ROBO2: variants seen among roughly 807,000 people sequenced by gnomAD.
ROBO2 encodes roundabout guidance receptor 2, also known as roundabout homolog 2.
A neutral mutation model predicts 160.8 loss-of-function variants in ROBO2; 53 were observed. The ratio of observed to expected loss-of-function variants is 0.33; its 90% CI spans 0.26 to 0.41. ROBO2 has a LOEUF of 0.41. Among genes scored for constraint, ROBO2 ranks in the 10% least tolerant of loss-of-function variants. The pLI is 1.00. For synonymous variants in ROBO2, 664 were observed against 611.7 expected, an observed-to-expected ratio of 1.09 and a Z score of -1.26; for missense variants, 1,577 against 1,722.4, an observed-to-expected ratio of 0.92 and a Z score of 1.49.
At chr3:76,389,100 T>C (rs1302264905) in intron 2 of ROBO2, among the ~76,000 whole-genome samples, 1 of 152,232 alleles carries the variant, frequency 6.6e-6, no homozygotes, top group African/African-American at 2.4e-5. Flanking sequence ...TTTGCCTACA[T>C]CCTGCTCAAA....
At chr3:77,391,131 TTATTA>T (rs556758456) in intron 2 of ROBO2, among the ~76,000 whole-genome samples, 67 of 152,164 alleles carry the variant, frequency 4.4e-4, no homozygotes, top group African/African-American at 1.5e-3. Flanking sequence ...GGAGAATATT[TTATTA>T]TATTAATGTA....
At chr3:76,428,471 T>C (rs1182395212) in intron 2 of ROBO2, among the ~76,000 whole-genome samples, 1 of 152,172 alleles carries the variant, frequency 6.6e-6, no homozygotes, top group Non-Finnish European at 1.5e-5. Context: ...TATGTCTATT[T>C]CGAATGTTAA....
At chr3:76,936,197 T>C (rs1239113474) in intron 2 of ROBO2, among the ~76,000 whole-genome samples, 1 of 151,348 alleles carries the variant, frequency 6.6e-6, no homozygotes, top group South Asian at 2.1e-4. Flanking sequence ...AGTAGCTTTA[T>C]GGTTTCATTA....
chr3:77,537,117 C>T (rs1363949928), intron 6 of ROBO2, among the ~76,000 whole-genome samples: 1 of 140,866 alleles, frequency 7.1e-6, no homozygotes, highest in Non-Finnish European at 1.5e-5. Flanking sequence ...GGGTGTATTA[C>T]ACTTACCAAA....
chr3:77,134,668 T>C (rs1179478719), intron 2 of ROBO2, among the ~76,000 whole-genome samples: 3 of 152,216 alleles, frequency 2.0e-5, no homozygotes, highest in African/African-American at 7.2e-5. Flanking sequence ...TCAGCACCTA[T>C]GTCTCAGTCT....
intron 2 of ROBO2, among the ~76,000 whole-genome samples, chr3:76,438,400 T>A (rs1559944926): frequency 1.5e-5 from 2 of 136,658 alleles, no homozygotes; most frequent in South Asian, 2.2e-4. Flanking sequence ...TAATTTTTAA[T>A]GTAATCAGTT....
intron 2 of ROBO2, among the ~76,000 whole-genome samples, chr3:75,980,710 G>C (rs2065250213): frequency 2.0e-5 from 3 of 151,538 alleles, no homozygotes; most frequent in Non-Finnish European, 4.4e-5. Flanking sequence ...AAGAGGATCT[G>C]ACTGGACACA....
chr3:77,588,521 T>C (rs543169681), intron 16 of ROBO2, among the ~76,000 whole-genome samples: 212 of 152,174 alleles, frequency 1.4e-3, no homozygotes, highest in Non-Finnish European at 2.5e-3. Context: ...AATCCATCCA[T>C]AGCAAACCAC....
At chr3:76,164,822 T>G (rs937251580) in intron 2 of ROBO2, among the ~76,000 whole-genome samples, 10 of 151,242 alleles carry the variant, frequency 6.6e-5, no homozygotes, top group African/African-American at 2.4e-4. Flanking sequence ...AGTCACCAGC[T>G]GCATTAGCCC....
chr3:77,385,261 C>G (rs905843375), intron 2 of ROBO2, among the ~76,000 whole-genome samples: 1 of 152,192 alleles, frequency 6.6e-6, no homozygotes, highest in African/African-American at 2.4e-5. Context: ...AAACTCCTGA[C>G]TTCTTGATCC....
At chr3:77,119,376 C>T (rs12374122) in intron 2 of ROBO2, among the ~76,000 whole-genome samples, 26,502 of 152,100 alleles carry the variant, frequency 0.17, 3,793 homozygotes, top group African/African-American at 0.4. Flanking sequence ...TATAACCTTA[C>T]GGGACTATAG....
At chr3:77,335,810 A>G (rs1225742360) in intron 2 of ROBO2, among the ~76,000 whole-genome samples, 1 of 152,202 alleles carries the variant, frequency 6.6e-6, no homozygotes, top group Non-Finnish European at 1.5e-5. Context: ...GGCAACTTTG[A>G]TTTTAAAGAG....
In ROBO2 at chr3:76,811,827, TTCCTTCCTTCTTTCCTTCCTTCC is replaced by T. The variant is rs1576779340; in HGVS notation, c.110-286185_110-286163del. Among the ~76,000 whole-genome samples, 42 of 71,788 alleles carry T rather than the reference TTCCTTCCTTCTTTCCTTCCTTCC, an allele frequency of 5.9e-4. No individual in the cohort carries two copies. In the East Asian group the frequency reaches 9.9e-3, roughly 17 times the overall value. The allele number at this position is 71,788 out of a possible 152,430, so 47.1% of individuals were successfully genotyped here. On this transcript the variant is annotated intron_variant, in intron 2 of 26. Transcript: ENST00000487694. Reference sequence around the variant, plus strand: ...CTTCCTTCCTTCCTTCCTTCCTTCCTTCCTTCCTTCTTTCCTTCCTTCCTTCCTTCCTTCCTTCCTTCCTTCCT... The same window carrying T: ...CTTCCTTCCTTCCTTCCTTCCTTCCTTTCCTTCCTTCCTTCCTTCCTTCCT...
intron 2 of ROBO2, among the ~76,000 whole-genome samples, chr3:77,217,996 T>C (rs558328926): frequency 1.5e-4 from 23 of 152,358 alleles, no homozygotes; most frequent in African/African-American, 5.3e-4. Context: ...TGTCAGCTCC[T>C]GATTATCCAT....
chr3:76,529,509 G>A (rs888356962), intron 2 of ROBO2, among the ~76,000 whole-genome samples: 2 of 152,120 alleles, frequency 1.3e-5, no homozygotes, highest in African/African-American at 2.4e-5. Flanking sequence ...AAGCTGCACT[G>A]AGAAAGATCT....
intron 2 of ROBO2, among the ~76,000 whole-genome samples, chr3:76,409,215 G>T (rs2075364806): frequency 6.6e-6 from 1 of 151,984 alleles, no homozygotes; most frequent in African/African-American, 2.4e-5. Context: ...GGGTAAAATT[G>T]TAGGTATCAA....
chr3:77,200,047 A>T (rs1398474904), intron 2 of ROBO2, among the ~76,000 whole-genome samples: 1 of 151,272 alleles, frequency 6.6e-6, no homozygotes. Context: ...GATTTTATTT[A>T]TATAAATTTA....
chr3:76,819,666 T>TA (rs1277362302), intron 2 of ROBO2, among the ~76,000 whole-genome samples: 1 of 152,104 alleles, frequency 6.6e-6, no homozygotes, highest in Non-Finnish European at 1.5e-5. Context: ...TTTAAACCTC[T>TA]AGGCTAGTCG....
At chr3:76,186,458 C>T (rs1160686877) in intron 2 of ROBO2, among the ~76,000 whole-genome samples, 1 of 151,960 alleles carries the variant, frequency 6.6e-6, no homozygotes, top group East Asian at 1.9e-4. Flanking sequence ...TACCTTCCAG[C>T]ACTAAACCTA....
Sources: gnomAD v4.1 joint callset for allele counts (sites outside exome capture counted in the v4.1 genomes callset) on GRCh38, gnomAD v4.1.1 for gene constraint, MANE v1.5 for transcripts, NCBI Gene and HGNC (gene_info 2026-07-23, HGNC 2026-07-21) for gene names.